Variants in TAFA4 observed in about 807,000 individuals in gnomAD.
TAFA4 encodes chemokine-like protein TAFA-4.
A neutral mutation model predicts 21.1 loss-of-function variants in TAFA4; 20 were observed. That is an observed-to-expected ratio of 0.95 (90% confidence interval 0.67 to 1.38). The LOEUF is 1.38. Among genes scored for constraint, TAFA4 ranks in the 40% most tolerant of loss-of-function variants. The pLI, the probability that TAFA4 is intolerant of heterozygous loss-of-function variation, is 0.00. For missense variants in TAFA4, 211 were observed against 180.9 expected (o/e 1.17, Z -0.95); for synonymous variants, 71 against 67.4 (o/e 1.05, Z -0.26).
intron 3 of TAFA4, among the ~76,000 whole-genome samples, chr3:68,813,797 T>A (rs1703897712): frequency 6.6e-6 from 1 of 152,044 alleles, no homozygotes; most frequent in East Asian, 1.9e-4. Context: ...AAAGAGGGAA[T>A]CCTCCCTAAC....
At chr3:68,863,276 C>T (rs1376778753) in intron 3 of TAFA4, among the ~76,000 whole-genome samples, 1 of 151,884 alleles carries the variant, frequency 6.6e-6, no homozygotes, top group African/African-American at 2.4e-5. Flanking sequence ...AGATAAAGCT[C>T]ACAGTATATT....
intron 3 of TAFA4, among the ~76,000 whole-genome samples, chr3:68,761,036 G>A (rs550836300): frequency 5.9e-5 from 9 of 152,248 alleles, no homozygotes; most frequent in South Asian, 4.1e-4. Context: ...TGGATTTATC[G>A]TTACCTGCTG....
At chr3:68,818,435 A>G (rs1324722206) in intron 3 of TAFA4, among the ~76,000 whole-genome samples, 1 of 152,246 alleles carries the variant, frequency 6.6e-6, no homozygotes, top group South Asian at 2.1e-4. Context: ...ATTTCCTTCA[A>G]GAATTTTTCC....
chr3:68,835,763 C>G (rs1704510404), intron 3 of TAFA4, among the ~76,000 whole-genome samples: 1 of 152,178 alleles, frequency 6.6e-6, no homozygotes, highest in Non-Finnish European at 1.5e-5. Flanking sequence ...TGTAAGACTC[C>G]TCAAATGAGT....
intron 5 of TAFA4, among the ~76,000 whole-genome samples, chr3:68,735,805 T>C (rs12638346): frequency 0.052 from 7,838 of 152,126 alleles, 443 homozygotes; most frequent in East Asian, 0.24. Flanking sequence ...GAAAAAAATA[T>C]ACTATTCTTT....
chr3:68,926,528 T>A (rs2090109298), intron 1 of TAFA4, among the ~76,000 whole-genome samples: 1 of 152,178 alleles, frequency 6.6e-6, no homozygotes, highest in Non-Finnish European at 1.5e-5. Context: ...GCTGCGGACA[T>A]TGGATAAGAC....
intron 3 of TAFA4, among the ~76,000 whole-genome samples, chr3:68,790,965 A>T (rs943473028): frequency 4.6e-5 from 7 of 152,184 alleles, no homozygotes; most frequent in African/African-American, 1.7e-4. Context: ...ATGGATGCAA[A>T]CTCTTATAAG....
At chr3:68,876,662 A>G (rs1426301526) in intron 3 of TAFA4, among the ~76,000 whole-genome samples, 1 of 152,192 alleles carries the variant, frequency 6.6e-6, no homozygotes, top group African/African-American at 2.4e-5. Context: ...CAAAAAATTT[A>G]CCCTAAGTTA....
intron 3 of TAFA4, among the ~76,000 whole-genome samples, chr3:68,758,527 G>A (rs1207403647): frequency 6.6e-6 from 1 of 152,204 alleles, no homozygotes; most frequent in Non-Finnish European, 1.5e-5. Context: ...TTCGCCTTCT[G>A]CCATGATTGT....
chr3:68,803,797 C>CTTTTTTTTTTTTTTTT (rs386396961), intron 3 of TAFA4, among the ~76,000 whole-genome samples: 7 of 81,612 alleles, frequency 8.6e-5, no homozygotes, highest in Admixed American at 1.8e-4. Flanking sequence ...ATCTCTGATT[C>CTTTTTTTTTTTTTTTT]TTTTTTTTTT....
chr3:68,922,905 TTAAC>T (rs1168380283), intron 1 of TAFA4, among the ~76,000 whole-genome samples: 3 of 152,286 alleles, frequency 2.0e-5, no homozygotes, highest in African/African-American at 4.8e-5. Flanking sequence ...TGTAAAAGGA[TTAAC>T]TAACATGCTA....
intron 3 of TAFA4, among the ~76,000 whole-genome samples, chr3:68,849,193 T>C (rs1238085629): frequency 6.6e-6 from 1 of 152,176 alleles, no homozygotes; most frequent in Non-Finnish European, 1.5e-5. Flanking sequence ...GTCCAGTAGA[T>C]TGATGTAAAA....
chr3:68,803,789 C>A, intron 3 of TAFA4, among the ~76,000 whole-genome samples: 1 of 123,748 alleles, frequency 8.1e-6, no homozygotes, highest in South Asian at 3.3e-4. Context: ...GTCTCTACAT[C>A]TCTGATTCTT....
chr3:68,820,199 T>C (rs574103268), intron 3 of TAFA4, among the ~76,000 whole-genome samples: 3 of 152,274 alleles, frequency 2.0e-5, no homozygotes, highest in East Asian at 3.9e-4. Flanking sequence ...AGACAAATAT[T>C]GTATGACCTC....
chr3:68,817,336 CTT>C (rs1704004106), intron 3 of TAFA4, among the ~76,000 whole-genome samples: 1 of 152,160 alleles, frequency 6.6e-6, no homozygotes. Context: ...TTCTAACTCT[CTT>C]GCTATTTCTA....
At chr3:68,869,961 T>C (rs1311534060) in intron 3 of TAFA4, among the ~76,000 whole-genome samples, 6 of 151,994 alleles carry the variant, frequency 3.9e-5, no homozygotes, top group East Asian at 1.9e-4. Context: ...TAGAAAAGCC[T>C]AAAGATTCCA....
chr3:68,897,910 T>C (rs1039638745), intron 1 of TAFA4, among the ~76,000 whole-genome samples: 1 of 152,178 alleles, frequency 6.6e-6, no homozygotes, highest in African/African-American at 2.4e-5. Flanking sequence ...ACCCAGACTG[T>C]ACCTCACAGG....
intron 1 of TAFA4, among the ~76,000 whole-genome samples, chr3:68,897,227 T>A (rs577217790): frequency 2.6e-5 from 4 of 152,166 alleles, no homozygotes; most frequent in Non-Finnish European, 5.9e-5. Flanking sequence ...CACTCTTCAC[T>A]TTGGCTGCTA....
intron 3 of TAFA4, among the ~76,000 whole-genome samples, chr3:68,765,971 T>C (rs1412518526): frequency 6.6e-6 from 1 of 152,128 alleles, no homozygotes; most frequent in East Asian, 1.9e-4. Flanking sequence ...CCATCCATAT[T>C]CAGAGAGTCC....
Sources: gnomAD v4.1 joint callset for allele counts (sites outside exome capture counted in the v4.1 genomes callset) on GRCh38, gnomAD v4.1.1 for gene constraint, MANE v1.5 for transcripts, NCBI Gene and HGNC (gene_info 2026-07-23, HGNC 2026-07-21) for gene names.